Variants in VSTM4 observed in about 807,000 individuals in gnomAD.
VSTM4 encodes the protein V-set and transmembrane domain containing 4, also known as V-set and transmembrane domain-containing protein 4.
Under a neutral mutation model 36.4 loss-of-function variants are expected in VSTM4, and 20 were observed. The ratio of observed to expected loss-of-function variants is 0.55; its 90% CI spans 0.39 to 0.80. VSTM4 has a LOEUF of 0.80. VSTM4 is among the 30% of genes least tolerant of loss of function. VSTM4 has a pLI of 0.00. For synonymous variants in VSTM4, 182 were observed against 173.9 expected, an observed-to-expected ratio of 1.05 and a Z score of -0.37; for missense variants, 392 against 404.5, an observed-to-expected ratio of 0.97 and a Z score of 0.26.
intron 2 of VSTM4, among the ~76,000 whole-genome samples, chr10:49,091,693 C>G (rs998001711): frequency 6.6e-6 from 1 of 152,130 alleles, no homozygotes; most frequent in Admixed American, 6.5e-5. Flanking sequence ...CTTTCGGGGT[C>G]CCCCATTCAC....
intron 2 of VSTM4, among the ~76,000 whole-genome samples, chr10:49,088,092 C>T (rs1482831150): frequency 1.3e-5 from 2 of 151,466 alleles, no homozygotes; most frequent in African/African-American, 4.8e-5. Flanking sequence ...AGCAGAAGTG[C>T]TGATAGACTT....
chr10:49,067,572 G>A (rs1429111085), intron 4 of VSTM4, among the ~76,000 whole-genome samples: 1 of 152,220 alleles, frequency 6.6e-6, no homozygotes, highest in Admixed American at 6.5e-5. Flanking sequence ...ACAAAGACAG[G>A]CACAGAGGGA....
chr10:49,079,681 G>A (rs188867703), intron 3 of VSTM4, among the ~76,000 whole-genome samples: 96 of 152,178 alleles, frequency 6.3e-4, no homozygotes, highest in African/African-American at 2.1e-3. Flanking sequence ...CAATAAGAAC[G>A]TGTGTCCAAT....
intron 2 of VSTM4, among the ~76,000 whole-genome samples, chr10:49,096,631 G>A (rs1386175400): frequency 6.9e-6 from 1 of 144,488 alleles, no homozygotes; most frequent in Non-Finnish European, 1.6e-5. Context: ...CCGTGTGTGT[G>A]TGTGTGTGTG....
rs1843100283 is a variant in VSTM4, at chr10:49,016,015, G to A, written c.*3635C>T. The A allele has an allele frequency of 6.6e-6, 1 of 152,306 alleles. No individual in the cohort carries two copies. The allele number at this position is 152,306 out of a possible 1,614,324, so 9.4% of individuals were successfully genotyped here. A position where few individuals can be genotyped will look rare whatever the true frequency, so the allele number is the denominator to read the frequency against. On this transcript the variant is annotated 3_prime_UTR_variant, in exon 8 of 8. Transcript: ENST00000332853. ...AGGGCATCTTCAGAACCCAGGGTGGGGCCCACTCGGGCAGCAGGACACACG... is the reference window on the plus strand; with the variant it reads ...AGGGCATCTTCAGAACCCAGGGTGGAGCCCACTCGGGCAGCAGGACACACG...
chr10:49,059,047 T>C (rs188240118), intron 5 of VSTM4, among the ~76,000 whole-genome samples: 193 of 152,286 alleles, frequency 1.3e-3, no homozygotes, highest in East Asian at 7.1e-3. Context: ...CAGAGCACAA[T>C]TCAGGCCAAA....
Position 49,048,598 on chromosome 10 carries a change from A to C in VSTM4, c.669-14T>G, listed in dbSNP as rs570288045. On this transcript the variant is annotated splice_polypyrimidine_tract_variant and intron_variant, in intron 5 of 7. Coordinates refer to ENST00000332853, the MANE Select transcript of VSTM4 (RefSeq NM_001031746.5). ...GTCTCCCCTGAGCTGTAGAAGAAAA[A>C]GTTTCCAGTGAAACCAAAGGCAGAT... is the stretch of plus-strand genomic sequence containing the variant. 2.6e-4 allele frequency: 407 copies of C among 1,572,880 alleles called. 1 individual carries two copies. In the South Asian group the frequency reaches 4.6e-3, roughly 18 times the overall value.
In VSTM4 at chr10:49,070,232, G is replaced by A. The variant is rs948297953; in HGVS notation, c.635-5496C>T. Among the ~76,000 whole-genome samples the A allele has an allele frequency of 4.6e-4, 21 of 45,458 alleles. 1 individual carries two copies. Among genetic ancestry groups the A allele is most frequent in the African/African-American group, 5.5e-4 (3 of 5,486 alleles). The allele number at this position is 45,458 out of a possible 152,430, so 29.8% of individuals were successfully genotyped here. ...CCCGCCACTGCACTCCAGCCTGGGC[G>A]ACAGAGCGAGACTCCGTCTCAAAAA... On this transcript the variant is annotated intron_variant, in intron 4 of 7. Transcript: ENST00000332853.
At chr10:49,101,930 T>A (rs12243870) in intron 2 of VSTM4, among the ~76,000 whole-genome samples, 8,742 of 152,184 alleles carry the variant, frequency 0.057, 847 homozygotes, top group African/African-American at 0.2. Flanking sequence ...CAACAACTTA[T>A]AAAGCAATAC....
rs1184852820 is a variant in VSTM4 at position 49,017,577 on chromosome 10, G to A, written c.*2073C>T. 6.6e-6 allele frequency: 1 copy of A among 152,222 alleles called. No individual in the cohort carries two copies. Among genetic ancestry groups the A allele is most frequent in the African/African-American group, 2.4e-5 (1 of 41,444 alleles). The allele number at this position is 152,222 out of a possible 1,614,324, so 9.4% of individuals were successfully genotyped here. On this transcript the variant is annotated 3_prime_UTR_variant, in exon 8 of 8. Coordinates refer to ENST00000332853, the MANE Select transcript of VSTM4 (RefSeq NM_001031746.5). Reference sequence around the variant, plus strand: ...TCCTGTCCATGCATAATAACCCTAAGCTCTCTTTGGATTTAAGTGGGTGGG... The same window carrying A: ...TCCTGTCCATGCATAATAACCCTAAACTCTCTTTGGATTTAAGTGGGTGGG...
chr10:49,019,818 A>G, intron 7 of VSTM4, 43 bp from the exon 8 acceptor site: 1 of 1,592,606 alleles, frequency 6.3e-7, no homozygotes, highest in Non-Finnish European at 8.6e-7. Context: ...CTAGCTGACC[A>G]CAGGAGCTCT....
At chr10:49,096,968 T>G (rs747566150) in intron 2 of VSTM4, among the ~76,000 whole-genome samples, 1 of 152,026 alleles carries the variant, frequency 6.6e-6, no homozygotes, top group Non-Finnish European at 1.5e-5. Context: ...TCATGTTTTT[T>G]GAAGTCTTGG....
At chr10:49,058,263 T>G (rs1181584568) in intron 5 of VSTM4, among the ~76,000 whole-genome samples, 2 of 152,188 alleles carry the variant, frequency 1.3e-5, no homozygotes, top group African/African-American at 4.8e-5. Context: ...TGGCTGGGCA[T>G]TAGCTTTGTG....
At chr10:49,105,828 CATAT>C (rs1409981817) in intron 2 of VSTM4, among the ~76,000 whole-genome samples, 4 of 143,000 alleles carry the variant, frequency 2.8e-5, no homozygotes, top group Admixed American at 1.4e-4. Flanking sequence ...ACACACGTAT[CATAT>C]GTGTGTGTGT....
chr10:49,025,154 G>A (rs574883458), intron 7 of VSTM4, among the ~76,000 whole-genome samples: 36 of 152,208 alleles, frequency 2.4e-4, no homozygotes, highest in Non-Finnish European at 4.6e-4. Flanking sequence ...CAGACTTCCG[G>A]CCTCCACAAC....
intron 2 of VSTM4, among the ~76,000 whole-genome samples, chr10:49,098,682 C>A (rs772038106): frequency 2.6e-5 from 4 of 152,232 alleles, no homozygotes; most frequent in South Asian, 2.1e-4. Flanking sequence ...CCCACATAAA[C>A]CACCAAGGAC....
At chr10:49,097,401 G>GT (rs1844592624) in intron 2 of VSTM4, among the ~76,000 whole-genome samples, 1 of 152,182 alleles carries the variant, frequency 6.6e-6, no homozygotes, top group Non-Finnish European at 1.5e-5. Context: ...GCACAATGGA[G>GT]GAGGCACAAA....
intron 7 of VSTM4, among the ~76,000 whole-genome samples, chr10:49,031,794 T>C (rs879440941): frequency 1.2e-4 from 19 of 152,226 alleles, no homozygotes; most frequent in Admixed American, 7.8e-4. Context: ...TACCTCATCC[T>C]GTGCCTGCCT....
chr10:49,041,320 T>G (rs775631727), intron 7 of VSTM4, among the ~76,000 whole-genome samples: 1 of 152,220 alleles, frequency 6.6e-6, no homozygotes, highest in Non-Finnish European at 1.5e-5. Flanking sequence ...CTGGAAAATT[T>G]GGTATAAAAG....
Sources: allele counts gnomAD v4.1 joint callset (sites outside exome capture counted in the v4.1 genomes callset), GRCh38; gene constraint gnomAD v4.1.1; transcripts MANE v1.5; gene names NCBI Gene and HGNC (gene_info 2026-07-23, HGNC 2026-07-21).